Variants in DSE observed in about 807,000 individuals in gnomAD.
DSE encodes the protein dermatan-sulfate epimerase.
In DSE, 36 loss-of-function variants were observed where a neutral mutation model predicts 84.4. The ratio of observed to expected loss-of-function variants is 0.43; its 90% confidence interval spans 0.33 to 0.56. The LOEUF (loss-of-function observed/expected upper bound fraction) is 0.56. Ranked by LOEUF, DSE falls within the 20% of genes least tolerant of loss-of-function variation. DSE has a pLI of 0.06. For synonymous variants in DSE, 410 were observed against 430.1 expected (o/e 0.95, Z 0.58); for missense variants, 862 against 1,169.6 (o/e 0.74, Z 3.84).
intron 2 of DSE, among the ~76,000 whole-genome samples, chr6:116,299,551 T>TATAC (rs1554209343): frequency 9.3e-5 from 5 of 53,672 alleles, no homozygotes; most frequent in African/African-American, 6.3e-4. Flanking sequence ...TATATATATA[T>TATAC]ACACATACAC....
chr6:116,272,448 T>C (rs979700541), intron 2 of DSE, among the ~76,000 whole-genome samples: 8 of 152,220 alleles, frequency 5.3e-5, no homozygotes, highest in Non-Finnish European at 1.2e-4. Context: ...CCTGCTGTTA[T>C]GAATTTTAAA....
rs114503927 is a variant in DSE at position 116,386,946 on chromosome 6, C to T, written c.-53-12252C>T. 9.0e-3 allele frequency among the ~76,000 whole-genome samples: 1,370 copies of T among 152,286 alleles called. 11 individuals carry two copies. Among genetic ancestry groups the T allele is most frequent in the African/African-American group, 0.03 (1,262 of 41,558 alleles). ...CTATTAGAGAGTAAACTTATAGTATCTTATCCTAGAAGATATGATATAAGG... is the reference window on the plus strand; with the variant it reads ...CTATTAGAGAGTAAACTTATAGTATTTTATCCTAGAAGATATGATATAAGG... On this transcript the variant is annotated intron_variant, in intron 1 of 5. Transcript: ENST00000644252.
chr6:116,318,541 G>A (rs561315890), intron 2 of DSE, among the ~76,000 whole-genome samples: 270 of 150,918 alleles, frequency 1.8e-3, no homozygotes, highest in African/African-American at 6.1e-3. Context: ...GACTGAAAAA[G>A]CAAAACTAAA....
At chr6:116,303,360 A>G (rs1253166691) in intron 2 of DSE, among the ~76,000 whole-genome samples, 1 of 152,144 alleles carries the variant, frequency 6.6e-6, no homozygotes, top group Non-Finnish European at 1.5e-5. Context: ...CATTTGCAGC[A>G]CTTAATACAA....
intron 2 of DSE, among the ~76,000 whole-genome samples, chr6:116,288,879 A>G (rs908848291): frequency 2.0e-5 from 3 of 152,220 alleles, no homozygotes; most frequent in African/African-American, 7.2e-5. Flanking sequence ...CACACATTTT[A>G]TAAGAGTCTT....
intron 2 of DSE, among the ~76,000 whole-genome samples, chr6:116,334,191 T>C (rs1680532039): frequency 6.6e-6 from 1 of 152,228 alleles, no homozygotes; most frequent in Non-Finnish European, 1.5e-5. Flanking sequence ...CAATTGTCTG[T>C]TGAATGACTA....
At chr6:116,256,755 T>G (rs549625345) in intron 1 of DSE, 2 of 152,346 alleles carry the variant, frequency 1.3e-5, no homozygotes, top group East Asian at 3.9e-4. Context: ...ATAGTATGAC[T>G]ACCCTTGTGT....
At chr6:116,279,866 C>T in intron 2 of DSE, 1 of 1,613,038 alleles carries the variant, frequency 6.2e-7, no homozygotes, top group Non-Finnish European at 8.5e-7. Flanking sequence ...GGCGAACGCC[C>T]GTTTTCCTCA....
intron 2 of DSE, among the ~76,000 whole-genome samples, chr6:116,302,313 T>C (rs1434362282): frequency 6.6e-6 from 1 of 152,248 alleles, no homozygotes; most frequent in African/African-American, 2.4e-5. Flanking sequence ...TCCTGACTTT[T>C]TAATGATCGC....
At chr6:116,332,103 A>G (rs1180186127) in intron 2 of DSE, among the ~76,000 whole-genome samples, 1 of 152,246 alleles carries the variant, frequency 6.6e-6, no homozygotes, top group East Asian at 1.9e-4. Context: ...CTCGACTTGT[A>G]GATTTTAAAA....
intron 2 of DSE, among the ~76,000 whole-genome samples, chr6:116,413,552 G>T (rs1293286777): frequency 1.3e-5 from 2 of 152,136 alleles, no homozygotes; most frequent in Non-Finnish European, 2.9e-5. Context: ...TTATATGTCA[G>T]GTTTCCGGGG....
intron 2 of DSE, among the ~76,000 whole-genome samples, chr6:116,311,644 G>C (rs1214547097): frequency 6.6e-6 from 1 of 152,168 alleles, no homozygotes; most frequent in Non-Finnish European, 1.5e-5. Flanking sequence ...AAGTGAAAAG[G>C]CCTGTTGCAG....
In DSE at chr6:116,435,705, TCTTTC is replaced by T. The variant is rs771890099; in HGVS notation, c.1246_1250del (p.Ser416GlnfsTer12). The T allele has an allele frequency of 1.2e-6, 2 of 1,614,118 alleles. No individual in the cohort carries two copies. The highest frequency in any genetic ancestry group is 1.7e-5 in the Admixed American group (1 of 60,018). On this transcript the variant is annotated frameshift_variant, in exon 6 of 6. Coordinates refer to ENST00000644252, the MANE Select transcript of DSE (RefSeq NM_013352.4). LOFTEE classifies it high-confidence loss of function. Reference sequence around the variant, plus strand: ...TGCACTACCTGCAGAAATCAATAGATCTTTCCTTTCCTTCAAGTCTGGAAAACTGG... The same window carrying T: ...TGCACTACCTGCAGAAATCAATAGATCTTTCCTTCAAGTCTGGAAAACTGG...
chr6:116,391,527 G>C (rs1780901554), intron 1 of DSE, among the ~76,000 whole-genome samples: 1 of 152,162 alleles, frequency 6.6e-6, no homozygotes, highest in Admixed American at 6.5e-5. Context: ...AGCACTTAGG[G>C]AGGCTGAGGC....
chr6:116,430,188 G>A (rs891136466), intron 3 of DSE, among the ~76,000 whole-genome samples: 6 of 152,126 alleles, frequency 3.9e-5, no homozygotes, highest in African/African-American at 1.4e-4. Context: ...CCTTTCCAGT[G>A]GTTTCTCAGC....
Position 116,391,999 on chromosome 6 carries a change from ATTATT to A in DSE, c.-53-7195_-53-7191del, listed in dbSNP as rs554300713. 4.0e-4 allele frequency among the ~76,000 whole-genome samples: 61 copies of A among 152,344 alleles called. No homozygotes were observed. In the South Asian group the frequency reaches 7.5e-3, roughly 19 times the overall value. ...GTATTGAGGAAACATTCTTCAAAAA[ATTATT>A]TTAATTATGCATTTAATAAAACTGA... On this transcript the variant is annotated intron_variant, in intron 1 of 5. Coordinates refer to ENST00000644252, the MANE Select transcript of DSE (RefSeq NM_013352.4).
chr6:116,349,470 G>C (rs915221468), intron 2 of DSE, among the ~76,000 whole-genome samples: 6 of 152,202 alleles, frequency 3.9e-5, no homozygotes, highest in African/African-American at 1.2e-4. Context: ...TTCAGGGGTA[G>C]CCGGGATTGA....
intron 2 of DSE, among the ~76,000 whole-genome samples, chr6:116,329,005 G>A (rs1776792751): frequency 6.6e-6 from 1 of 152,134 alleles, no homozygotes; most frequent in Non-Finnish European, 1.5e-5. Flanking sequence ...GCAGTTCCAA[G>A]CAATATCAAC....
chr6:116,261,143 C>A (rs918255419), intron 2 of DSE, among the ~76,000 whole-genome samples: 1 of 151,936 alleles, frequency 6.6e-6, no homozygotes, highest in Non-Finnish European at 1.5e-5. Context: ...TATGCATCTC[C>A]GATTTCTTTG....
Sources: gnomAD v4.1 joint callset for allele counts (sites outside exome capture counted in the v4.1 genomes callset) on GRCh38, gnomAD v4.1.1 for gene constraint, MANE v1.5 for transcripts, NCBI Gene and HGNC (gene_info 2026-07-23, HGNC 2026-07-21) for gene names.